ATP8B2: variants seen among roughly 807,000 people sequenced by gnomAD.
ATP8B2 encodes the protein phospholipid-transporting ATPase ID.
A neutral mutation model predicts 133.4 loss-of-function variants in ATP8B2; 70 were observed. The ratio of observed to expected loss-of-function variants is 0.52; its 90% CI spans 0.43 to 0.64. The LOEUF is 0.64. Ranked by LOEUF, ATP8B2 falls within the 30% of genes least tolerant of loss-of-function variation. The probability of loss-of-function intolerance (pLI) is 0.00; values close to 1 mark genes in which losing one functional copy is unlikely to be tolerated. For synonymous variants in ATP8B2, 517 were observed against 589.5 expected, an observed-to-expected ratio of 0.88 and a Z score of 1.78; for missense variants, 1,101 against 1,535.7, an observed-to-expected ratio of 0.72 and a Z score of 4.73.
Position 154,344,827 on chromosome 1 carries a change from G to A in ATP8B2, c.2286+42G>A. On this transcript the variant is annotated intron_variant, in intron 21 of 27. Transcript: ENST00000368489. This position sits in a 1 kb window ranked among gnomAD's most constrained non-coding sequence, Gnocchi z 4.1. ...TTAGCTTGGGCAGTATCTTTCCAGT[G>A]AGCACTTCTGTCCAGGGCTTTTATA... is the stretch of plus-strand genomic sequence containing the variant. The A allele has an allele frequency of 1.9e-6, 3 of 1,572,646 alleles. No individual in the cohort carries two copies. Among genetic ancestry groups the A allele is most frequent in the Non-Finnish European group, 2.6e-6 (3 of 1,155,198 alleles).
intron 26 of ATP8B2, 131 bp from the exon 27 acceptor site, chr1:154,348,277 G>C: frequency 2.0e-6 from 2 of 993,048 alleles, no homozygotes. Context: ...ACATTTGGAG[G>C]GTGAGCCTGG....
rs2149164011 is a variant in ATP8B2 at position 154,334,277 on chromosome 1, A to G, written c.748+12A>G. 6.2e-7 allele frequency: 1 copy of G among 1,612,976 alleles called. No homozygotes were observed. The highest frequency in any genetic ancestry group is 8.5e-7 in the Non-Finnish European group (1 of 1,179,078). On this transcript the variant is annotated intron_variant, in intron 10 of 27. Transcript: ENST00000368489. The surrounding 1 kb of genome is among the most constrained non-coding windows in gnomAD (Gnocchi z 4.6). Reference sequence around the variant, plus strand: ...GGTCATCTTTGCAGGTGAGCCTCCTAGCATCCAAAGAAAGAAGGGTAAGAG... The same window carrying G: ...GGTCATCTTTGCAGGTGAGCCTCCTGGCATCCAAAGAAAGAAGGGTAAGAG...
Position 154,344,625 on chromosome 1 carries a change from A to G in ATP8B2, c.2142-16A>G. 6.2e-7 allele frequency: 1 copy of G among 1,606,736 alleles called. No individual in the cohort carries two copies. The highest frequency in any genetic ancestry group is 8.5e-7 in the Non-Finnish European group (1 of 1,173,828). On this transcript the variant is annotated splice_polypyrimidine_tract_variant and intron_variant, in intron 20 of 27. Transcript: ENST00000368489. The surrounding 1 kb of genome is among the most constrained non-coding windows in gnomAD (Gnocchi z 4.1). Reference sequence around the variant, plus strand: ...CGTTCTGGAAGACCACAACCGTATCATTTCCACCTCGACAGGAAAGCCCGG... The same window carrying G: ...CGTTCTGGAAGACCACAACCGTATCGTTTCCACCTCGACAGGAAAGCCCGG...
intron 13 of ATP8B2, 150 bp from the exon 14 acceptor site, chr1:154,342,330 G>A: frequency 1.3e-6 from 1 of 782,660 alleles, no homozygotes; most frequent in Middle Eastern, 3.6e-4. Flanking sequence ...AGTCAGCAAT[G>A]TGACTGAGTG....
At chr1:154,338,274 TG>T (rs1686258476) in intron 12 of ATP8B2, among the ~76,000 whole-genome samples, 2 of 152,308 alleles carry the variant, frequency 1.3e-5, no homozygotes, top group South Asian at 4.1e-4. Flanking sequence ...GCCAGGGTCT[TG>T]GGCCAAGAGC....
chr1:154,330,516 A>G lies in ATP8B2; in HGVS notation c.90+62A>G, dbSNP rs1346551296. ...TTGGAGAGGGGAATGGGGCAAGGAC[A>G]ACCTACCGTTGGGACTGAGGGCTGC... On this transcript the variant is annotated intron_variant, in intron 3 of 27. Transcript: ENST00000368489. The G allele has an allele frequency of 1.1e-5, 18 of 1,568,370 alleles. No homozygotes were observed. In the East Asian group the frequency reaches 3.8e-4, roughly 33 times the overall value.
rs191090483 is a variant in ATP8B2 at position 154,346,221 on chromosome 1, T to C, written c.2779-10T>C. On this transcript the variant is annotated splice_polypyrimidine_tract_variant and intron_variant, in intron 24 of 27. Transcript: ENST00000368489. The surrounding 1 kb of genome is among the most constrained non-coding windows in gnomAD (Gnocchi z 4.5). ...TGAGGCCCCCTATGCTACATGGTCC[T>C]CCCACACAGGATGTCCCCGAGCAGC... 1.1e-5 allele frequency: 18 copies of C among 1,612,532 alleles called. No homozygotes were observed. The East Asian group carries it at 4.0e-4, about 36-fold the overall frequency.
chr1:154,345,454 T>C lies in ATP8B2; in HGVS notation c.2603T>C (p.Met868Thr). Residue 868 changes from methionine to threonine, a missense_variant, in exon 23 of 28, where the codon ATG (methionine) becomes ACG (threonine). Physicochemically the swap from Met to Thr is moderately conservative, Grantham distance 81. Transcript: ENST00000368489. This position sits in a 1 kb window ranked among gnomAD's most constrained non-coding sequence, Gnocchi z 5.6. ...LVHGRWSYLR[M>T]CKFLCYFFYK... is the part of the protein sequence containing the mutation. ...CATGGGCGCTGGTCCTACCTGCGAA[T>C]GTGCAAGTTTCTTTGCTATTTCTTC... 6.2e-7 allele frequency: 1 copy of C among 1,614,258 alleles called. No individual in the cohort carries two copies.
chr1:154,340,008 C>G lies in ATP8B2; in HGVS notation c.1035-846C>G, dbSNP rs1441707109. On this transcript the variant is annotated intron_variant, in intron 12 of 27. Transcript: ENST00000368489. This position sits in a 1 kb window ranked among gnomAD's most constrained non-coding sequence, Gnocchi z 4.0. ...ACCAGTGTGGGCAACACAGCGAGAT[C>G]CCATCTCTACAAAAAATGAAAATTA... Among the ~76,000 whole-genome samples the G allele has an allele frequency of 6.6e-6, 1 of 152,032 alleles. No homozygotes were observed. Among genetic ancestry groups the G allele is most frequent in the African/African-American group, 2.4e-5 (1 of 41,380 alleles).
rs41304564 is a variant in ATP8B2 at position 154,337,411 on chromosome 1, G to A, written c.901G>A (p.Glu301Lys). ...LAIGNAIWEH[E>K]VGMRFQVYLP... ...CATTGGCAATGCCATCTGGGAGCAC[G>A]AGGTGGGGATGCGTTTCCAGGTCTA... is the stretch of plus-strand genomic sequence containing the variant. Residue 301 changes from glutamate (E) to lysine (K), a missense_variant, in exon 12 of 28, where the codon GAG becomes AAG. Coordinates refer to ENST00000368489, the MANE Select transcript of ATP8B2 (RefSeq NM_001370597.1). 4,325 of 1,614,196 alleles carry A rather than the reference G, an allele frequency of 2.7e-3. 18 individuals carry two copies. The highest frequency in any genetic ancestry group is 0.011 in the Middle Eastern group (68 of 6,062).
intron 1 of ATP8B2, chr1:154,327,836 T>G (rs763927749): frequency 2.5e-6 from 4 of 1,613,872 alleles, no homozygotes; most frequent in Non-Finnish European, 3.4e-6. Flanking sequence ...TTTTTCAATA[T>G]CTGGCCTCTT....
rs768958188 is a variant in ATP8B2 at position 154,344,143 on chromosome 1, C to T, written c.1924C>T (p.Leu642=). 4.3e-6 allele frequency: 7 copies of T among 1,614,248 alleles called. No individual in the cohort carries two copies. The South Asian group carries it at 6.6e-5, about 15-fold the overall frequency. Residue 642 remains leucine, a splice_region_variant and synonymous_variant, in exon 19 of 28, where the codon CTG becomes TTG. Coordinates refer to ENST00000368489, the MANE Select transcript of ATP8B2 (RefSeq NM_001370597.1). The surrounding 1 kb of genome is among the most constrained non-coding windows in gnomAD (Gnocchi z 4.1). ...IYEEVENNMM[L]LGATAIEDKL... is the part of the protein sequence containing the mutation. Reference sequence around the variant, plus strand: ...CCAGGAATCCTTGTGGTATTTTCAGCTGCTGGGTGCAACGGCCATTGAGGA... The same window carrying T: ...CCAGGAATCCTTGTGGTATTTTCAGTTGCTGGGTGCAACGGCCATTGAGGA...
Position 154,332,606 on chromosome 1 carries a change from C to T in ATP8B2, c.510-12C>T, listed in dbSNP as rs1349596484. ...AGGAGGGAGCGGGGACTCAGAGATACTGTCCTTCCAGCGAGACCAACATGA... is the reference window on the plus strand; with the variant it reads ...AGGAGGGAGCGGGGACTCAGAGATATTGTCCTTCCAGCGAGACCAACATGA... On this transcript the variant is annotated splice_polypyrimidine_tract_variant and intron_variant, in intron 8 of 27. Coordinates refer to ENST00000368489, the MANE Select transcript of ATP8B2 (RefSeq NM_001370597.1). 1.9e-6 allele frequency: 3 copies of T among 1,576,542 alleles called. No homozygotes were observed. The African/African-American group carries it at 4.0e-5, about 21-fold the overall frequency.
chr1:154,342,867 G>C lies in ATP8B2; in HGVS notation c.1359G>C (p.Leu453=). ...DKKFLFWDPS[L]LEAVKIGDPH... is the part of the protein sequence containing the mutation. The stretch of plus-strand genomic sequence containing the variant: ...AGTTCTTATTTTGGGACCCCAGCCT[G>C]CTGGAGGCTGTCAAGATCGGGGACC... The change falls in exon 15 of 28, where the codon CTG becomes CTC. Residue 453 remains leucine, a synonymous_variant. Transcript: ENST00000368489. 6.2e-7 allele frequency: 1 copy of C among 1,614,192 alleles called. No homozygotes were observed. Among genetic ancestry groups the C allele is most frequent in the South Asian group, 1.1e-5 (1 of 91,090 alleles).
chr1:154,327,885 GC>G (rs746253671), intron 1 of ATP8B2: 3 of 1,607,578 alleles, frequency 1.9e-6, no homozygotes, highest in Non-Finnish European at 2.6e-6. Context: ...TAAAGTCTCA[GC>G]CCCCCATGTC....
At position 154,344,087 on chromosome 1, in the gene ATP8B2, G is replaced by T. The variant is rs1346360839; in HGVS notation, c.1923+30G>T. On this transcript the variant is annotated intron_variant, in intron 18 of 27. Transcript: ENST00000368489. This position sits in a 1 kb window ranked among gnomAD's most constrained non-coding sequence, Gnocchi z 4.1. ...GGGCTGCGGGACGGGCCAAGGATGG[G>T]CACGGAGGGCTCATGCCTGCAATTC... 6.2e-7 allele frequency: 1 copy of T among 1,614,170 alleles called. No homozygotes were observed. Among genetic ancestry groups the T allele is most frequent in the Middle Eastern group, 1.6e-4 (1 of 6,062 alleles).
At position 154,344,574 on chromosome 1, in the gene ATP8B2, A is replaced by G; in HGVS notation, c.2142-67A>G. On this transcript the variant is annotated intron_variant, in intron 20 of 27. Coordinates refer to ENST00000368489, the MANE Select transcript of ATP8B2 (RefSeq NM_001370597.1). The surrounding 1 kb of genome is among the most constrained non-coding windows in gnomAD (Gnocchi z 4.1). ...TCAGGTGGGGGTTTCTGGACCATTT[A>G]GACTTGAATCCCTGCTCCCCACTGC... is the stretch of plus-strand genomic sequence containing the variant. The G allele has an allele frequency of 6.2e-7, 1 of 1,610,408 alleles. No individual in the cohort carries two copies. Among genetic ancestry groups the G allele is most frequent in the Non-Finnish European group, 8.5e-7 (1 of 1,177,004 alleles).
Position 154,348,826 on chromosome 1 carries a change from G to A in ATP8B2, c.3295-14G>A, listed in dbSNP as rs947181278. On this transcript the variant is annotated splice_polypyrimidine_tract_variant and intron_variant, in intron 27 of 27. Transcript: ENST00000368489. ...CCACGCTGACAGAGGGCTCTTCCCT[G>A]TGCCCCTCTGCAGGTCCGCTACACA... 5.1e-6 allele frequency: 8 copies of A among 1,577,486 alleles called. No individual in the cohort carries two copies. Among genetic ancestry groups the A allele is most frequent in the Non-Finnish European group, 6.1e-6 (7 of 1,156,632 alleles).
In ATP8B2 at chr1:154,344,257, G is replaced by A; in HGVS notation, c.2035+3G>A. 6.2e-7 allele frequency: 1 copy of A among 1,614,210 alleles called. No individual in the cohort carries two copies. The highest frequency in any genetic ancestry group is 8.5e-7 in the Non-Finnish European group (1 of 1,180,026). On this transcript the variant is annotated splice_donor_region_variant and intron_variant, in intron 19 of 27. Coordinates refer to ENST00000368489, the MANE Select transcript of ATP8B2 (RefSeq NM_001370597.1). This position sits in a 1 kb window ranked among gnomAD's most constrained non-coding sequence, Gnocchi z 4.1. The stretch of plus-strand genomic sequence containing the variant: ...GGTGCTAACCGGAGACAAGCAAGGT[G>A]AGAGCCCAGCAGGGCAGAGCCAGTT...
Sources: allele counts gnomAD v4.1 joint callset (sites outside exome capture counted in the v4.1 genomes callset), GRCh38; gene constraint gnomAD v4.1.1; non-coding constraint Gnocchi (gnomAD v3.1); transcripts MANE v1.5; gene names NCBI Gene and HGNC (gene_info 2026-07-23, HGNC 2026-07-21).